SLCO3A1: variants seen among roughly 807,000 people sequenced by gnomAD.
SLCO3A1 encodes the protein solute carrier organic anion transporter family member 3A1.
SLCO3A1 carries 27 observed loss-of-function variants against 63.1 expected under a neutral mutation model. That is an observed-to-expected ratio of 0.43 (90% confidence interval 0.32 to 0.59). SLCO3A1 has a LOEUF of 0.59. Among genes scored for constraint, SLCO3A1 ranks in the 20% least tolerant of loss-of-function variants. The pLI is 0.09. For missense variants in SLCO3A1, 773 were observed against 945.8 expected (o/e 0.82, Z 2.40); for synonymous variants, 473 against 409.9 (o/e 1.15, Z -1.86).
chr15:92,080,856 C>T (rs889358134), intron 2 of SLCO3A1, among the ~76,000 whole-genome samples: 1 of 151,840 alleles, frequency 6.6e-6, no homozygotes, highest in Admixed American at 6.6e-5. Flanking sequence ...TGTCCATATT[C>T]TTCCTTTAGC....
chr15:92,134,823 G>A (rs775039674), intron 7 of SLCO3A1, among the ~76,000 whole-genome samples: 1 of 152,158 alleles, frequency 6.6e-6, no homozygotes, highest in Non-Finnish European at 1.5e-5. Flanking sequence ...AAGCAGCTGT[G>A]TAGACAAATC....
intron 7 of SLCO3A1, among the ~76,000 whole-genome samples, chr15:92,139,700 C>T (rs2048104090): frequency 6.6e-6 from 1 of 152,144 alleles, no homozygotes; most frequent in African/African-American, 2.4e-5. Context: ...CTGGTTTAGT[C>T]TCAGGAGAGT....
intron 1 of SLCO3A1, among the ~76,000 whole-genome samples, chr15:91,896,103 A>C (rs1028148675): frequency 1.3e-5 from 2 of 152,244 alleles, no homozygotes; most frequent in African/African-American, 4.8e-5. Flanking sequence ...AATTACAGCT[A>C]ACTCCAGAGA....
At chr15:91,871,212 G>C (rs1897271779) in intron 1 of SLCO3A1, among the ~76,000 whole-genome samples, 1 of 152,150 alleles carries the variant, frequency 6.6e-6, no homozygotes, top group Non-Finnish European at 1.5e-5. Flanking sequence ...TTCTGTTCAT[G>C]CTTTCTGTAG....
intron 4 of SLCO3A1, among the ~76,000 whole-genome samples, chr15:92,114,543 C>T (rs1296538007): frequency 6.6e-6 from 1 of 152,156 alleles, no homozygotes; most frequent in African/African-American, 2.4e-5. Flanking sequence ...TATTCCGTGA[C>T]ACCGTTTCTC....
chr15:92,060,504 G>GTT (rs748865613), intron 2 of SLCO3A1, among the ~76,000 whole-genome samples: 14 of 143,310 alleles, frequency 9.8e-5, no homozygotes, highest in Non-Finnish European at 1.5e-4. Flanking sequence ...AGTGAGCCGA[G>GTT]TTTTTTTTTT....
chr15:91,995,604 G>C (rs2046181321), intron 2 of SLCO3A1, among the ~76,000 whole-genome samples: 1 of 152,134 alleles, frequency 6.6e-6, no homozygotes, highest in Admixed American at 6.5e-5. Flanking sequence ...GAAGTCCCTA[G>C]TGGGGAGAGC....
intron 2 of SLCO3A1, among the ~76,000 whole-genome samples, chr15:91,975,854 G>A (rs950975814): frequency 2.0e-5 from 3 of 152,350 alleles, no homozygotes; most frequent in Non-Finnish European, 2.9e-5. Context: ...TAGTGGTGGA[G>A]TGAGGAAAGA....
intron 2 of SLCO3A1, among the ~76,000 whole-genome samples, chr15:91,928,446 C>T (rs1391757236): frequency 6.6e-6 from 1 of 152,126 alleles, no homozygotes; most frequent in Non-Finnish European, 1.5e-5. Flanking sequence ...AGCTACAGTC[C>T]GGTCTGGTCT....
rs137955058 is a variant in SLCO3A1 at position 92,045,779 on chromosome 15, C to T, written c.647-49102C>T. 1.4e-4 allele frequency among the ~76,000 whole-genome samples: 21 copies of T among 152,296 alleles called. No homozygotes were observed. In the East Asian group the frequency reaches 3.9e-3, roughly 28 times the overall value. On this transcript the variant is annotated intron_variant, in intron 2 of 9. Coordinates refer to ENST00000318445, the MANE Select transcript of SLCO3A1 (RefSeq NM_013272.4). ...CTACTGCGGAGTGCCAGCATCTATA[C>T]TCAGTATTTCCCTTTCTCACATAAG...
chr15:91,902,788 T>C (rs1174148911), intron 1 of SLCO3A1, among the ~76,000 whole-genome samples: 1 of 152,126 alleles, frequency 6.6e-6, no homozygotes, highest in Admixed American at 6.5e-5. Context: ...GCAGATAAAG[T>C]GTGGACTCTG....
At chr15:92,055,785 A>G (rs540433530) in intron 2 of SLCO3A1, among the ~76,000 whole-genome samples, 57 of 152,354 alleles carry the variant, frequency 3.7e-4, no homozygotes, top group African/African-American at 1.4e-3. Context: ...TTATCAGGAA[A>G]GACGTTGTCA....
chr15:91,946,601 GAGAACCA>G (rs1368759056), intron 2 of SLCO3A1, among the ~76,000 whole-genome samples: 1 of 152,242 alleles, frequency 6.6e-6, no homozygotes, highest in Admixed American at 6.5e-5. Flanking sequence ...GCATGTGGTA[GAGAACCA>G]AGTGAAAAAA....
rs751257284 is a variant in SLCO3A1 at position 92,143,356 on chromosome 15, TAC to T, written c.1513-3626_1513-3625del. Among the ~76,000 whole-genome samples the T allele has an allele frequency of 7.5e-4, 11 of 14,722 alleles. 4 individuals are homozygous for T. Among genetic ancestry groups the T allele is most frequent in the African/African-American group, 2.7e-3 (11 of 4,050 alleles). The allele number at this position is 14,722 out of a possible 152,430, so 9.7% of individuals were successfully genotyped here. On this transcript the variant is annotated intron_variant, in intron 7 of 9. Coordinates refer to ENST00000318445, the MANE Select transcript of SLCO3A1 (RefSeq NM_013272.4). ...AACTTAGGTGTTCACTCAGTCAACA[TAC>T]ATATATATATTATATAATATATATA... is the stretch of plus-strand genomic sequence containing the variant.
intron 7 of SLCO3A1, among the ~76,000 whole-genome samples, chr15:92,139,467 G>A (rs2048100626): frequency 6.6e-6 from 1 of 152,258 alleles, no homozygotes; most frequent in East Asian, 1.9e-4. Flanking sequence ...CCCAGCTTTG[G>A]TGTCAGAATG....
chr15:92,023,706 T>C (rs2046537530), intron 2 of SLCO3A1, among the ~76,000 whole-genome samples: 1 of 152,216 alleles, frequency 6.6e-6, no homozygotes, highest in Admixed American at 6.5e-5. Flanking sequence ...TGGCCTCAAG[T>C]GATCCAGCCG....
intron 2 of SLCO3A1, among the ~76,000 whole-genome samples, chr15:91,928,833 C>T (rs1899124604): frequency 6.6e-6 from 1 of 152,198 alleles, no homozygotes; most frequent in Non-Finnish European, 1.5e-5. Flanking sequence ...GAGAAGCTCA[C>T]TCACCAGACG....
intron 2 of SLCO3A1, among the ~76,000 whole-genome samples, chr15:91,926,994 G>T (rs1378213335): frequency 2.6e-5 from 4 of 152,168 alleles, no homozygotes; most frequent in Non-Finnish European, 2.9e-5. Flanking sequence ...TGTATGGAGT[G>T]ACAGATGGCA....
intron 2 of SLCO3A1, among the ~76,000 whole-genome samples, chr15:91,974,265 G>GTTATTATTATTATTATTA (rs56317875): frequency 0.012 from 1,738 of 142,940 alleles, 23 homozygotes; most frequent in African/African-American, 0.022. Flanking sequence ...TTTCATTATT[G>GTTATTATTATTATTATTA]TTATTATTAT....
Sources: gnomAD v4.1 joint callset for allele counts (sites outside exome capture counted in the v4.1 genomes callset) on GRCh38, gnomAD v4.1.1 for gene constraint, MANE v1.5 for transcripts, NCBI Gene and HGNC (gene_info 2026-07-23, HGNC 2026-07-21) for gene names.